Variants in SPACA7 observed in about 807,000 individuals in gnomAD.
The protein encoded by SPACA7 is sperm acrosome-associated protein 7.
A neutral mutation model predicts 26.3 loss-of-function variants in SPACA7; 19 were observed. The observed-to-expected ratio is 0.72, with a 90% CI of 0.50 to 1.06. The LOEUF is 1.06. SPACA7 is among the 50% of genes least tolerant of loss of function. The pLI, the probability that SPACA7 is intolerant of heterozygous loss-of-function variation, is 0.00. For missense variants in SPACA7, 211 were observed against 229.9 expected (o/e 0.92, Z 0.53); for synonymous variants, 84 against 84.5 (o/e 0.99, Z 0.04).
At chr13:112,379,713 A>G (rs7324531) in intron 1 of SPACA7, among the ~76,000 whole-genome samples, 8,089 of 152,280 alleles carry the variant, frequency 0.053, 703 homozygotes, top group African/African-American at 0.18. Context: ...CTTTCTTTTC[A>G]CCAAGTGAGA....
chr13:112,428,161 C>T (rs1233844021), intron 5 of SPACA7, among the ~76,000 whole-genome samples: 2 of 152,140 alleles, frequency 1.3e-5, no homozygotes, highest in African/African-American at 2.4e-5. Context: ...TTAGTGATTT[C>T]CTCTAAGTAT....
chr13:112,431,253 G>A (rs754680302), intron 5 of SPACA7, among the ~76,000 whole-genome samples: 9 of 152,214 alleles, frequency 5.9e-5, no homozygotes, highest in African/African-American at 9.6e-5. Flanking sequence ...GCAGATCCAC[G>A]TTCCTCTTAA....
At chr13:112,394,666 G>C (rs534066368) in intron 2 of SPACA7, among the ~76,000 whole-genome samples, 2 of 152,200 alleles carry the variant, frequency 1.3e-5, no homozygotes, top group Non-Finnish European at 2.9e-5. Context: ...CAAGGGAACT[G>C]CCCCAGGCAG....
At chr13:112,427,362 G>GT (rs1349353965) in intron 5 of SPACA7, among the ~76,000 whole-genome samples, 1 of 152,150 alleles carries the variant, frequency 6.6e-6, no homozygotes, top group African/African-American at 2.4e-5. Flanking sequence ...TGGTCACTTG[G>GT]TTTTACTTTA....
At chr13:112,432,311 C>T in intron 5 of SPACA7, 133 bp from the exon 6 acceptor site, 3 of 641,770 alleles carry the variant, frequency 4.7e-6, no homozygotes, top group Non-Finnish European at 8.4e-6. Context: ...AGCTGCAGCA[C>T]CTCACCCCGC....
chr13:112,430,347 G>A (rs899198907), intron 5 of SPACA7, among the ~76,000 whole-genome samples: 49 of 152,114 alleles, frequency 3.2e-4, no homozygotes, highest in Admixed American at 6.5e-5. Flanking sequence ...GCAAGCATAG[G>A]GCTGCATTCA....
intron 1 of SPACA7, among the ~76,000 whole-genome samples, chr13:112,385,802 C>A (rs978268870): frequency 6.6e-6 from 1 of 152,076 alleles, no homozygotes; most frequent in Non-Finnish European, 1.5e-5. Flanking sequence ...GATTTAAGTG[C>A]TTATTTTTTA....
At chr13:112,384,195 G>T (rs1884386913) in intron 1 of SPACA7, among the ~76,000 whole-genome samples, 1 of 152,062 alleles carries the variant, frequency 6.6e-6, no homozygotes, top group Non-Finnish European at 1.5e-5. Flanking sequence ...ATTATAAACT[G>T]CCTTTTGAAA....
At chr13:112,394,238 G>A (rs1159149227) in intron 2 of SPACA7, among the ~76,000 whole-genome samples, 3 of 152,152 alleles carry the variant, frequency 2.0e-5, no homozygotes, top group African/African-American at 4.8e-5. Context: ...GGGAAACTGA[G>A]GCCCAGAATG....
chr13:112,430,850 G>T (rs1460484187), intron 5 of SPACA7, among the ~76,000 whole-genome samples: 1 of 152,188 alleles, frequency 6.6e-6, no homozygotes, highest in East Asian at 1.9e-4. Flanking sequence ...AAGATAAAAT[G>T]TTTTGTATTA....
At chr13:112,397,760 C>T (rs768662159) in intron 2 of SPACA7, among the ~76,000 whole-genome samples, 2 of 152,236 alleles carry the variant, frequency 1.3e-5, no homozygotes, top group Non-Finnish European at 2.9e-5. Context: ...AGACTTAGGA[C>T]CACGTGTGGG....
chr13:112,378,537 T>C, intron 1 of SPACA7: 1 of 360,044 alleles, frequency 2.8e-6, no homozygotes, highest in Admixed American at 3.8e-5. Flanking sequence ...GAATCTCAGA[T>C]TAGATTTTTT....
chr13:112,426,291 C>T lies in SPACA7; in HGVS notation c.446-6153C>T, dbSNP rs186679688. 3.3e-5 allele frequency among the ~76,000 whole-genome samples: 5 copies of T among 152,316 alleles called. No individual in the cohort carries two copies. The East Asian group carries it at 9.6e-4, about 29-fold the overall frequency. The stretch of plus-strand genomic sequence containing the variant: ...TTTTGTTGATGTAAGACCTGTTCTT[C>T]CTCATTGCCCACTTCATTGTCTTGG... On this transcript the variant is annotated intron_variant, in intron 5 of 6. Transcript: ENST00000283550.
intron 6 of SPACA7, 75 bp downstream of exon 6, chr13:112,432,596 G>A (rs887859006): frequency 5.9e-5 from 69 of 1,179,310 alleles, no homozygotes; most frequent in South Asian, 1.0e-4. Context: ...GTGTGTCTCC[G>A]AGCAGCTCCA....
intron 2 of SPACA7, among the ~76,000 whole-genome samples, chr13:112,395,924 C>G (rs999548489): frequency 1.3e-5 from 2 of 152,146 alleles, no homozygotes; most frequent in African/African-American, 4.8e-5. Context: ...AAGCGTTTTT[C>G]TAGCCCTGAC....
chr13:112,414,575 T>A (rs1053805128), intron 5 of SPACA7, among the ~76,000 whole-genome samples: 1 of 151,980 alleles, frequency 6.6e-6, no homozygotes, highest in Non-Finnish European at 1.5e-5. Context: ...CATGCCCAGA[T>A]AATTTTTGTA....
intron 5 of SPACA7, among the ~76,000 whole-genome samples, chr13:112,411,636 C>A (rs1886358888): frequency 6.6e-6 from 1 of 152,114 alleles, no homozygotes; most frequent in African/African-American, 2.4e-5. Flanking sequence ...CCATTGCACT[C>A]TCTACCTCCA....
At chr13:112,425,191 C>G (rs1336492694) in intron 5 of SPACA7, among the ~76,000 whole-genome samples, 1 of 152,158 alleles carries the variant, frequency 6.6e-6, no homozygotes, top group African/African-American at 2.4e-5. Context: ...CGCACAGGCT[C>G]CCCTGCAGGG....
chr13:112,390,127 T>G (rs1884781425), intron 1 of SPACA7, among the ~76,000 whole-genome samples: 5 of 125,424 alleles, frequency 4.0e-5, no homozygotes, highest in South Asian at 2.4e-4. Context: ...AAGAGAAGGG[T>G]GTAATGGGGG....
Sources: gnomAD v4.1 joint callset for allele counts (sites outside exome capture counted in the v4.1 genomes callset) on GRCh38, gnomAD v4.1.1 for gene constraint, MANE v1.5 for transcripts, NCBI Gene and HGNC (gene_info 2026-07-23, HGNC 2026-07-21) for gene names.